The following CYP21A2 variants were observed in gnomAD, a reference collection of about 807,000 sequenced individuals.
The protein encoded by CYP21A2 is steroid 21-hydroxylase.
Under a neutral mutation model 47.4 loss-of-function variants are expected in CYP21A2, and 24 were observed. That is an observed-to-expected ratio of 0.51 (90% confidence interval 0.37 to 0.71). The LOEUF (loss-of-function observed/expected upper bound fraction) is 0.71, where lower values mean the gene tolerates loss of function less well. Ranked by LOEUF, CYP21A2 falls within the 30% of genes least tolerant of loss-of-function variation. CYP21A2 has a pLI of 0.00. For synonymous variants in CYP21A2, 130 were observed against 273.9 expected, an observed-to-expected ratio of 0.47 and a Z score of 5.19; for missense variants, 358 against 643.2, an observed-to-expected ratio of 0.56 and a Z score of 4.80.
Position 32,040,165 on chromosome 6 carries a change from C to T in CYP21A2, c.899C>T (p.Thr300Ile). The T allele has an allele frequency of 1.2e-6, 2 of 1,612,894 alleles. No homozygotes were observed. The highest frequency in any genetic ancestry group is 2.2e-5 in the East Asian group (1 of 44,874). Reference sequence around the variant, plus strand: ...GGTGGCACTGAGACCACAGCAAACACCCTCTCCTGGGCCGTGGTTTTTTTG... The same window carrying T: ...GGTGGCACTGAGACCACAGCAAACATCCTCTCCTGGGCCGTGGTTTTTTTG... ...LIGGTETTAN[T>I]LSWAVVFLLH... The change falls in exon 7 of 10, where the codon ACC becomes ATC. Residue 300 changes from threonine (T) to isoleucine (I), a missense_variant. By Grantham distance (89) the Thr-to-Ile change is moderately conservative. Coordinates refer to ENST00000644719, the MANE Select transcript of CYP21A2 (RefSeq NM_000500.9).
In CYP21A2 at chr6:32,041,521, G is replaced by A; in HGVS notation, c.*387G>A. On this transcript the variant is annotated 3_prime_UTR_variant, in exon 10 of 10. Transcript: ENST00000644719. Reference sequence around the variant, plus strand: ...CTGCTCTTCCCGTTCCCCTTAAGGAGGTAGCTCCCAGCACTCAACCAACCT... The same window carrying A: ...CTGCTCTTCCCGTTCCCCTTAAGGAAGTAGCTCCCAGCACTCAACCAACCT... 2 of 1,192,216 alleles carry A rather than the reference G, an allele frequency of 1.7e-6. No individual in the cohort carries two copies. Among genetic ancestry groups the A allele is most frequent in the Non-Finnish European group, 2.4e-6 (2 of 827,958 alleles). The allele number at this position is 1,192,216 out of a possible 1,614,324, so 73.9% of individuals were successfully genotyped here.
At chr6:32,040,230 G>T in intron 7 of CYP21A2, 25 bp downstream of exon 7, 2 of 1,612,810 alleles carry the variant, frequency 1.2e-6, no homozygotes, top group Non-Finnish European at 1.7e-6. Flanking sequence ...CAAGCAAAAG[G>T]CTCCTTCCCA....
At position 32,040,201 on chromosome 6, in the gene CYP21A2, C is replaced by T. The variant is rs1435733314; in HGVS notation, c.935C>T (p.Pro312Leu). 3 of 1,612,774 alleles carry T rather than the reference C, an allele frequency of 1.9e-6. No homozygotes were observed. Among genetic ancestry groups the T allele is most frequent in the Non-Finnish European group, 2.5e-6 (3 of 1,179,878 alleles). Residue 312 changes from proline (P) to leucine (L), a missense_variant, in exon 7 of 10, where the codon CCT becomes CTT. Pro to Leu is a moderately conservative substitution (Grantham distance 98). Transcript: ENST00000644719. ...SWAVVFLLHH[P>L]EIQQRLQEEL... ...GCCGTGGTTTTTTTGCTTCACCACC[C>T]TGAGGTGCGTCCTGGGGACAAGCAA... is the stretch of plus-strand genomic sequence containing the variant.
Position 32,039,191 on chromosome 6 carries a change from G to A in CYP21A2, c.390G>A (p.Leu130=). Residue 130 remains leucine, a synonymous_variant, in exon 3 of 10, where the codon CTG becomes CTA. Transcript: ENST00000644719. ...HKKLTRSALL[L]GIRDSMEPVV... ...AGCTCACCCGCTCAGCCCTGCTGCT[G>A]GGCATCCGTGACTCCATGGAGCCAG... is the stretch of plus-strand genomic sequence containing the variant. 1 of 1,599,712 alleles carries A rather than the reference G, an allele frequency of 6.3e-7. No individual in the cohort carries two copies. Among genetic ancestry groups the A allele is most frequent in the Non-Finnish European group, 8.5e-7 (1 of 1,173,188 alleles).
intron 6 of CYP21A2, 28 bp from the exon 7 acceptor site, chr6:32,039,977 C>G (rs1271329300): frequency 6.2e-7 from 1 of 1,611,720 alleles, no homozygotes; most frequent in Admixed American, 1.7e-5. Context: ...AGGCCAGCCG[C>G]TCAGCCCGCT....
rs1776144940 is a variant in CYP21A2 at position 32,039,788 on chromosome 6, A to G, written c.691A>G (p.Ile231Val). The part of the protein sequence containing the change: ...NPGLRRLKQA[I>V]EKRDHIVEMQ... ...AGGTCTCCGGAGGCTGAAGCAGGCC[A>G]TAGAGAAGAGGGATCACATCGTGGA... The change falls in exon 6 of 10, where the codon ATA becomes GTA. Residue 231 changes from isoleucine to valine, a missense_variant. By Grantham distance (29) the Ile-to-Val change is conservative. Transcript: ENST00000644719. The G allele has an allele frequency of 2.5e-6, 4 of 1,613,942 alleles. No individual in the cohort carries two copies. The highest frequency in any genetic ancestry group is 4.5e-5 in the East Asian group (2 of 44,864).
Position 32,039,914 on chromosome 6 carries a change from T to C in CYP21A2, c.738+79T>C, listed in dbSNP as rs1582307305. ...GGCCTCAGCATTGCTATGAGGCGGG[T>C]TCTTTTGCATACCCCAGTTATGGGC... On this transcript the variant is annotated intron_variant, in intron 6 of 9. Transcript: ENST00000644719. The C allele has an allele frequency of 5.0e-6, 8 of 1,604,378 alleles. No homozygotes were observed. The East Asian group carries it at 1.8e-4, about 36-fold the overall frequency.
Position 32,038,959 on chromosome 6 carries a change from C to T in CYP21A2, c.293-135C>T, listed in dbSNP as rs548984508. On this transcript the variant is annotated intron_variant, in intron 2 of 9. Coordinates refer to ENST00000644719, the MANE Select transcript of CYP21A2 (RefSeq NM_000500.9). Reference sequence around the variant, plus strand: ...AGTGTGAGCCACCTTTGGGGCATCCCCAATCCAGGTCCCTGGAAGCTCTTG... The same window carrying T: ...AGTGTGAGCCACCTTTGGGGCATCCTCAATCCAGGTCCCTGGAAGCTCTTG... The T allele has an allele frequency of 3.9e-6, 6 of 1,519,910 alleles. No homozygotes were observed. The African/African-American group carries it at 6.9e-5, about 17-fold the overall frequency. 94.2% of individuals were successfully genotyped at this position (1,519,910 alleles called of 1,614,324 possible).
At chr6:32,039,866 G>A (rs370682933) in intron 6 of CYP21A2, 31 bp downstream of exon 6, 74 of 1,609,006 alleles carry the variant, frequency 4.6e-5, no homozygotes, top group Non-Finnish European at 6.0e-5. Context: ...GCCTCCCCTC[G>A]GCCCACAGCC....
In CYP21A2 at chr6:32,039,812, G is replaced by A. The variant is rs754019944; in HGVS notation, c.715G>A (p.Glu239Lys). Residue 239 changes from glutamate to lysine, a missense_variant, in exon 6 of 10, where the codon GAG (glutamate) becomes AAG (lysine). Glu to Lys is a moderately conservative substitution (Grantham distance 56, BLOSUM62 1). Coordinates refer to ENST00000644719, the MANE Select transcript of CYP21A2 (RefSeq NM_000500.9). ...CATAGAGAAGAGGGATCACATCGTGGAGATGCAGCTGAGGCAGCACAAGGT... is the reference window on the plus strand; with the variant it reads ...CATAGAGAAGAGGGATCACATCGTGAAGATGCAGCTGAGGCAGCACAAGGT... ...QAIEKRDHIV[E>K]MQLRQHKESL... 3.7e-6 allele frequency: 6 copies of A among 1,614,030 alleles called. No individual in the cohort carries two copies. The highest frequency in any genetic ancestry group is 5.1e-6 in the Non-Finnish European group (6 of 1,179,952).
At position 32,039,417 on chromosome 6, in the gene CYP21A2, G is replaced by A. The variant is rs1582304457; in HGVS notation, c.509G>A (p.Cys170Tyr). The A allele has an allele frequency of 6.2e-7, 1 of 1,613,464 alleles. No individual in the cohort carries two copies. The highest frequency in any genetic ancestry group is 1.7e-5 in the Admixed American group (1 of 59,942). The change falls in exon 4 of 10, where the codon TGC becomes TAC. Residue 170 changes from cysteine (C) to tyrosine (Y), a missense_variant. Physicochemically the swap from Cys to Tyr is radical, Grantham distance 194. Coordinates refer to ENST00000644719, the MANE Select transcript of CYP21A2 (RefSeq NM_000500.9). ...AIEEEFSLLTCSIICYLTFGD... is the reference protein window; with the variant it reads ...AIEEEFSLLTYSIICYLTFGD... ...GAGGAGGAATTCTCTCTCCTCACCT[G>A]CAGCATCATCTGTTACCTCACCTTC...
In CYP21A2 at chr6:32,040,185, T is replaced by C; in HGVS notation, c.919T>C (p.Phe307Leu). ...TANTLSWAVV[F>L]LLHHPEIQQR... ...AAACACCCTCTCCTGGGCCGTGGTT[T>C]TTTTGCTTCACCACCCTGAGGTGCG... Residue 307 changes from phenylalanine (F) to leucine (L), a missense_variant, in exon 7 of 10, where the codon TTT becomes CTT. Transcript: ENST00000644719. The C allele has an allele frequency of 6.2e-7, 1 of 1,612,820 alleles. No individual in the cohort carries two copies. Among genetic ancestry groups the C allele is most frequent in the Non-Finnish European group, 8.5e-7 (1 of 1,179,852 alleles).
rs1345980297 is a variant in CYP21A2 at position 32,040,041 on chromosome 6, G to A, written c.775G>A (p.Asp259Asn). 1 of 1,612,696 alleles carries A rather than the reference G, an allele frequency of 6.2e-7. No individual in the cohort carries two copies. The highest frequency in any genetic ancestry group is 2.2e-5 in the East Asian group (1 of 44,866). ...GGCAGGCCAGTGGAGGGACATGATG[G>A]ACTACATGCTCCAAGGGGTGGCGCA... is the stretch of plus-strand genomic sequence containing the variant. ...LVAGQWRDMM[D>N]YMLQGVAQPS... Residue 259 changes from aspartate to asparagine, a missense_variant, in exon 7 of 10, where the codon GAC becomes AAC. Physicochemically the swap from Asp to Asn is conservative, Grantham distance 23 (BLOSUM62 1). Coordinates refer to ENST00000644719, the MANE Select transcript of CYP21A2 (RefSeq NM_000500.9).
At chr6:32,039,042 C>A in intron 2 of CYP21A2, 52 bp from the exon 3 acceptor site, 1 of 1,568,154 alleles carries the variant, frequency 6.4e-7, no homozygotes, top group Non-Finnish European at 8.6e-7. Context: ...AAGGTCAGGC[C>A]CTCAGCTGCC....
In CYP21A2 at chr6:32,039,469, C is replaced by T. The variant is rs1173931765; in HGVS notation, c.549+12C>T. 1.3e-6 allele frequency: 2 copies of T among 1,591,704 alleles called. No individual in the cohort carries two copies. Among genetic ancestry groups the T allele is most frequent in the Non-Finnish European group, 1.7e-6 (2 of 1,168,600 alleles). ...GAGACAAGATCAAGGTGCCTCACAG[C>T]CCCTCAGGCCCACCCCCAGCCCCTC... On this transcript the variant is annotated intron_variant, in intron 4 of 9. Transcript: ENST00000644719.
chr6:32,039,793 G>A lies in CYP21A2; in HGVS notation c.696G>A (p.Glu232=). The change falls in exon 6 of 10, where the codon GAG becomes GAA. Residue 232 remains glutamate, a synonymous_variant. Coordinates refer to ENST00000644719, the MANE Select transcript of CYP21A2 (RefSeq NM_000500.9). ...TCCGGAGGCTGAAGCAGGCCATAGAGAAGAGGGATCACATCGTGGAGATGC... is the reference window on the plus strand; with the variant it reads ...TCCGGAGGCTGAAGCAGGCCATAGAAAAGAGGGATCACATCGTGGAGATGC... The part of the protein sequence containing the change: ...PGLRRLKQAI[E]KRDHIVEMQL... 3.1e-6 allele frequency: 5 copies of A among 1,614,030 alleles called. No individual in the cohort carries two copies. Among genetic ancestry groups the A allele is most frequent in the Non-Finnish European group, 3.4e-6 (4 of 1,179,966 alleles).
At chr6:32,040,374 C>T (rs932682037) in intron 7 of CYP21A2, 32 bp from the exon 8 acceptor site, 70 of 1,611,846 alleles carry the variant, frequency 4.3e-5, no homozygotes, top group Non-Finnish European at 5.8e-5. Context: ...CTGTGGGCTG[C>T]TGGGGCAGGA....
Position 32,040,208 on chromosome 6 carries a change from G to A in CYP21A2, c.939+3G>A. 1 of 1,612,854 alleles carries A rather than the reference G, an allele frequency of 6.2e-7. No individual in the cohort carries two copies. Among genetic ancestry groups the A allele is most frequent in the Non-Finnish European group, 8.5e-7 (1 of 1,179,860 alleles). ...TTTTTTTGCTTCACCACCCTGAGGT[G>A]CGTCCTGGGGACAAGCAAAAGGCTC... On this transcript the variant is annotated splice_donor_region_variant and intron_variant, in intron 7 of 9. Transcript: ENST00000644719.
chr6:32,039,062 T>TGCCCCCCCCCCCCCCCCCCC, intron 2 of CYP21A2, 32 bp from the exon 3 acceptor site: 1 of 1,565,832 alleles, frequency 6.4e-7, no homozygotes, highest in Non-Finnish European at 8.7e-7. Context: ...CTTCATCAGT[T>TGCCCCCCCCCCCCCCCCCCC]CCCACCCTCC....
Sources: gnomAD v4.1 joint callset for allele counts on GRCh38, gnomAD v4.1.1 for gene constraint, MANE v1.5 for transcripts, NCBI Gene and HGNC (gene_info 2026-07-23, HGNC 2026-07-21) for gene names.